The following PRKAA2 variants were observed in gnomAD, a reference collection of about 807,000 sequenced individuals.
PRKAA2 encodes 5'-AMP-activated protein kinase catalytic subunit alpha-2.
Under a neutral mutation model 56.3 loss-of-function variants are expected in PRKAA2, and 40 were observed. The observed-to-expected ratio is 0.71, with a 90% CI of 0.55 to 0.92. The LOEUF (loss-of-function observed/expected upper bound fraction) is 0.92, where lower values mean the gene tolerates loss of function less well. Among genes scored for constraint, PRKAA2 ranks in the 40% least tolerant of loss-of-function variants. The probability of loss-of-function intolerance (pLI) is 0.00; values close to 1 mark genes in which losing one functional copy is unlikely to be tolerated. For synonymous variants in PRKAA2, 214 were observed against 234.2 expected (o/e 0.91, Z 0.79); for missense variants, 542 against 686.9 (o/e 0.79, Z 2.36).
At chr1:56,650,751 T>G (rs1027495611) in intron 1 of PRKAA2, among the ~76,000 whole-genome samples, 5 of 152,232 alleles carry the variant, frequency 3.3e-5, no homozygotes, top group African/African-American at 1.2e-4. Flanking sequence ...GGTTCTTTCT[T>G]GTCGGCAAAG....
chr1:56,666,879 G>A (rs1379962117), intron 1 of PRKAA2, among the ~76,000 whole-genome samples: 1 of 152,134 alleles, frequency 6.6e-6, no homozygotes, highest in Non-Finnish European at 1.5e-5. Flanking sequence ...TGCTGTGAGT[G>A]TAGAATGGGT....
intron 1 of PRKAA2, among the ~76,000 whole-genome samples, chr1:56,669,022 G>A (rs1644056366): frequency 6.6e-6 from 1 of 152,158 alleles, no homozygotes; most frequent in Admixed American, 6.6e-5. Context: ...GATCCTCAGG[G>A]ATATCATTAG....
intron 2 of PRKAA2, among the ~76,000 whole-genome samples, chr1:56,675,329 A>G (rs1200369723): frequency 7.8e-6 from 1 of 127,498 alleles, no homozygotes; most frequent in Non-Finnish European, 1.6e-5. Flanking sequence ...GATAGTGGTC[A>G]GGAACTGTAC....
chr1:56,685,804 A>C (rs1460535734), intron 2 of PRKAA2, among the ~76,000 whole-genome samples: 2 of 152,192 alleles, frequency 1.3e-5, no homozygotes, highest in Non-Finnish European at 2.9e-5. Flanking sequence ...AACAACAGAG[A>C]TAGAGGAGCA....
chr1:56,656,845 A>G (rs991507199), intron 1 of PRKAA2, among the ~76,000 whole-genome samples: 8 of 152,144 alleles, frequency 5.3e-5, no homozygotes, highest in Non-Finnish European at 1.0e-4. Context: ...AAGCTAAGTA[A>G]AACTGATGTA....
chr1:56,692,925 T>C (rs1644238431), intron 4 of PRKAA2, among the ~76,000 whole-genome samples: 1 of 152,114 alleles, frequency 6.6e-6, no homozygotes. Context: ...AAAAAAGCCC[T>C]TCTGAACTGA....
chr1:56,685,040 A>G (rs1304305033), intron 2 of PRKAA2, among the ~76,000 whole-genome samples: 5 of 152,198 alleles, frequency 3.3e-5, no homozygotes, highest in Non-Finnish European at 7.3e-5. Flanking sequence ...TTGAAAGTAT[A>G]TGACCATGGA....
intron 1 of PRKAA2, among the ~76,000 whole-genome samples, chr1:56,645,921 C>T (rs1209328610): frequency 6.6e-6 from 1 of 152,124 alleles, no homozygotes; most frequent in South Asian, 2.1e-4. Flanking sequence ...TGCCGGGTGC[C>T]CTGTTAGGTG....
intron 1 of PRKAA2, among the ~76,000 whole-genome samples, chr1:56,660,060 C>T (rs1643982128): frequency 6.6e-6 from 1 of 152,206 alleles, no homozygotes; most frequent in Non-Finnish European, 1.5e-5. Context: ...CTGCTTTCTT[C>T]ATGTATCATC....
rs1644342112 is a variant in PRKAA2 at position 56,707,713 on chromosome 1, A to G, written c.1659A>G (p.Ter553TrpextTer26). ...GTCTGATTACTACTTTAGCCCGTTG[A>G]TCTGTCTCTAGTTTCTTTCTGTTAT... is the stretch of plus-strand genomic sequence containing the variant. ...CASLITTLAR[*>W] is the part of the protein sequence containing the mutation. Residue 553 changes from the stop codon to tryptophan, a stop_lost, in exon 9 of 9, where the codon TGA becomes TGG. Coordinates refer to ENST00000371244, the MANE Select transcript of PRKAA2 (RefSeq NM_006252.4). 1 of 1,574,846 alleles carries G rather than the reference A, an allele frequency of 6.3e-7. No individual in the cohort carries two copies. Among genetic ancestry groups the G allele is most frequent in the Admixed American group, 1.7e-5 (1 of 59,922 alleles).
intron 6 of PRKAA2, among the ~76,000 whole-genome samples, chr1:56,703,272 T>C (rs1452826560): frequency 6.6e-6 from 1 of 152,170 alleles, no homozygotes; most frequent in Non-Finnish European, 1.5e-5. Flanking sequence ...TATCAATATT[T>C]ACTACATTAG....
chr1:56,677,022 T>A (rs1205858628), intron 2 of PRKAA2, among the ~76,000 whole-genome samples: 1 of 152,202 alleles, frequency 6.6e-6, no homozygotes, highest in Non-Finnish European at 1.5e-5. Flanking sequence ...GACCTATGTA[T>A]TAGATGGTCC....
At position 56,707,956 on chromosome 1, in the gene PRKAA2, T is replaced by C; in HGVS notation, c.*243T>C. 1 of 515,256 alleles carries C rather than the reference T, an allele frequency of 1.9e-6. No homozygotes were observed. Among genetic ancestry groups the C allele is most frequent in the East Asian group, 3.5e-5 (1 of 28,968 alleles). 31.9% of individuals were successfully genotyped at this position (515,256 alleles called of 1,614,324 possible). A position where few individuals can be genotyped will look rare whatever the true frequency, so the allele number is the denominator to read the frequency against. On this transcript the variant is annotated 3_prime_UTR_variant, in exon 9 of 9. Coordinates refer to ENST00000371244, the MANE Select transcript of PRKAA2 (RefSeq NM_006252.4). Reference sequence around the variant, plus strand: ...ATAGGCAATATCTTTAATAGGTTAATATCAATGAAGATTTTTAATTACAAT... The same window carrying C: ...ATAGGCAATATCTTTAATAGGTTAACATCAATGAAGATTTTTAATTACAAT...
intron 1 of PRKAA2, among the ~76,000 whole-genome samples, 175 bp from the exon 2 acceptor site, chr1:56,674,204 CAG>C (rs1644097269): frequency 6.6e-6 from 1 of 152,092 alleles, no homozygotes; most frequent in Non-Finnish European, 1.5e-5. Flanking sequence ...TTTCTGTCCT[CAG>C]AGAGTGCATA....
At chr1:56,693,735 G>A in intron 4 of PRKAA2, 30 bp from the exon 5 acceptor site, 1 of 1,444,722 alleles carries the variant, frequency 6.9e-7, no homozygotes, top group Non-Finnish European at 9.6e-7. Flanking sequence ...AAAATATCTA[G>A]CACCAAGTAA....
intron 1 of PRKAA2, among the ~76,000 whole-genome samples, chr1:56,665,038 T>G (rs1409245550): frequency 1.3e-5 from 2 of 151,864 alleles, no homozygotes; most frequent in African/African-American, 4.8e-5. Flanking sequence ...AATTGTCTGG[T>G]CTTTCCTGCC....
At chr1:56,665,063 T>C (rs1304444350) in intron 1 of PRKAA2, among the ~76,000 whole-genome samples, 6 of 150,614 alleles carry the variant, frequency 4.0e-5, no homozygotes, top group African/African-American at 1.2e-4. Context: ...ATATCCGCTC[T>C]AGCTAGTTCC....
intron 1 of PRKAA2, among the ~76,000 whole-genome samples, chr1:56,666,155 A>G (rs1644034415): frequency 6.6e-6 from 1 of 152,174 alleles, no homozygotes; most frequent in Admixed American, 6.5e-5. Context: ...ACGCACCCCA[A>G]GTATTAGAGT....
chr1:56,661,863 A>G (rs1409670345), intron 1 of PRKAA2, among the ~76,000 whole-genome samples: 1 of 148,840 alleles, frequency 6.7e-6, no homozygotes, highest in Non-Finnish European at 1.5e-5. Flanking sequence ...CAATACTGTA[A>G]CAGGTACCTG....
Sources: gnomAD v4.1 joint callset for allele counts (sites outside exome capture counted in the v4.1 genomes callset) on GRCh38, gnomAD v4.1.1 for gene constraint, MANE v1.5 for transcripts, NCBI Gene and HGNC (gene_info 2026-07-23, HGNC 2026-07-21) for gene names.